CRTAC1: variants seen among roughly 807,000 people sequenced by gnomAD.
CRTAC1 encodes acidic secreted protein in cartilage.
CRTAC1 carries 37 observed loss-of-function variants against 67.8 expected under a neutral mutation model. The ratio of observed to expected loss-of-function variants is 0.55; its 90% CI spans 0.42 to 0.72. The LOEUF (loss-of-function observed/expected upper bound fraction) is 0.72, where lower values mean the gene tolerates loss of function less well. Among genes scored for constraint, CRTAC1 ranks in the 30% least tolerant of loss-of-function variants. The pLI, the probability that CRTAC1 is intolerant of heterozygous loss-of-function variation, is 0.00. For missense variants in CRTAC1, 780 were observed against 931.6 expected (o/e 0.84, Z 2.12); for synonymous variants, 348 against 371.0 (o/e 0.94, Z 0.71).
At chr10:97,912,392 G>A (rs948828304) in intron 5 of CRTAC1, among the ~76,000 whole-genome samples, 8 of 152,146 alleles carry the variant, frequency 5.3e-5, no homozygotes, top group Non-Finnish European at 1.0e-4. Flanking sequence ...AGGGGAAAAT[G>A]CCCCTTGGAG....
Position 97,894,939 on chromosome 10 carries a change from T to A in CRTAC1, c.1486+306A>T, listed in dbSNP as rs549223124. On this transcript the variant is annotated intron_variant, in intron 11 of 14. Transcript: ENST00000370597. Reference sequence around the variant, plus strand: ...GACACGTTTGGTGCAGCCCAGCATTTGAACAAGCCTACAGCCTTGAACAAA... The same window carrying A: ...GACACGTTTGGTGCAGCCCAGCATTAGAACAAGCCTACAGCCTTGAACAAA... Among the ~76,000 whole-genome samples, 8 of 151,022 alleles carry A rather than the reference T, an allele frequency of 5.3e-5. No homozygotes were observed. In the East Asian group the frequency reaches 1.6e-3, roughly 30 times the overall value.
At chr10:97,882,543 C>T (rs1039660375) in intron 13 of CRTAC1, among the ~76,000 whole-genome samples, 10 of 152,214 alleles carry the variant, frequency 6.6e-5, no homozygotes, top group African/African-American at 2.4e-4. Flanking sequence ...GTACTCATGG[C>T]AGGAAAACAC....
intron 4 of CRTAC1, among the ~76,000 whole-genome samples, chr10:97,919,000 G>C (rs1269744298): frequency 1.4e-5 from 2 of 146,218 alleles, no homozygotes; most frequent in African/African-American, 5.1e-5. Context: ...GGTCAGGCTG[G>C]TCTCGAACTT....
intron 14 of CRTAC1, chr10:97,878,323 A>G (rs1564873480): frequency 5.2e-6 from 1 of 191,202 alleles, no homozygotes; most frequent in Non-Finnish European, 1.1e-5. Context: ...GGGAAATTGT[A>G]GCTGTTTTAA....
chr10:97,872,524 T>C (rs1228979463), intron 14 of CRTAC1, among the ~76,000 whole-genome samples: 1 of 152,166 alleles, frequency 6.6e-6, no homozygotes, highest in Non-Finnish European at 1.5e-5. Flanking sequence ...AAACACCATT[T>C]TGAGGTGGGG....
At chr10:97,968,220 G>T (rs981843962) in intron 2 of CRTAC1, among the ~76,000 whole-genome samples, 2 of 152,028 alleles carry the variant, frequency 1.3e-5, no homozygotes, top group African/African-American at 4.8e-5. Flanking sequence ...TAAGGTCCTG[G>T]GTGTGCACAG....
intron 2 of CRTAC1, among the ~76,000 whole-genome samples, chr10:97,992,261 C>G (rs1842476220): frequency 6.6e-6 from 1 of 152,198 alleles, no homozygotes; most frequent in Non-Finnish European, 1.5e-5. Flanking sequence ...AGGGAAATAA[C>G]TAGCTATCTC....
chr10:97,916,364 TG>T (rs1236704326), intron 5 of CRTAC1, among the ~76,000 whole-genome samples: 1 of 152,216 alleles, frequency 6.6e-6, no homozygotes, highest in Non-Finnish European at 1.5e-5. Context: ...GGCACTTAGA[TG>T]GGGCTTGAGC....
At chr10:97,885,573 GC>G (rs2050271174) in intron 11 of CRTAC1, among the ~76,000 whole-genome samples, 1 of 152,172 alleles carries the variant, frequency 6.6e-6, no homozygotes, top group South Asian at 2.1e-4. Flanking sequence ...GTCAAAGCAG[GC>G]CCCAGCTCCC....
At chr10:97,865,761 C>T (rs775415171) in intron 14 of CRTAC1, 47 bp from the exon 15 acceptor site, 70 of 1,279,260 alleles carry the variant, frequency 5.5e-5, no homozygotes, top group East Asian at 9.9e-5. Context: ...AGACCTGCGG[C>T]GGCTGCGCTA....
rs148259802 is a variant in CRTAC1 at position 97,904,567 on chromosome 10, G to A, written c.996+102C>T. On this transcript the variant is annotated intron_variant, in intron 7 of 14. Coordinates refer to ENST00000370597, the MANE Select transcript of CRTAC1 (RefSeq NM_018058.7). ...CCGGAGTAGCTGGGATTATAGGCAC[G>A]CACCACCACACCTGGCCAATTTTTG... 4.4e-3 allele frequency: 4,969 copies of A among 1,134,322 alleles called. 123 individuals are homozygous for A. The African/African-American group carries it at 0.059, about 13-fold the overall frequency. The allele number at this position is 1,134,322 out of a possible 1,614,324, so 70.3% of individuals were successfully genotyped here. A position where few individuals can be genotyped will look rare whatever the true frequency, so the allele number is the denominator to read the frequency against.
At chr10:97,897,132 C>T in intron 8 of CRTAC1, 141 bp from the exon 9 acceptor site, 1 of 561,766 alleles carries the variant, frequency 1.8e-6, no homozygotes, top group Non-Finnish European at 3.2e-6. Context: ...CGGAGCCACT[C>T]TCTGCTCCCA....
chr10:97,960,113 G>A (rs1370095854), intron 2 of CRTAC1, among the ~76,000 whole-genome samples: 1 of 152,258 alleles, frequency 6.6e-6, no homozygotes, highest in Non-Finnish European at 1.5e-5. Context: ...CAGTTCTGGG[G>A]ATGGTAGGAA....
chr10:97,886,410 C>T (rs1402854920), intron 11 of CRTAC1, among the ~76,000 whole-genome samples: 3 of 152,218 alleles, frequency 2.0e-5, no homozygotes, highest in African/African-American at 7.2e-5. Flanking sequence ...GCAGCAGCAA[C>T]GGAGAGGCTC....
intron 3 of CRTAC1, among the ~76,000 whole-genome samples, chr10:97,928,356 G>A (rs79468873): frequency 0.015 from 2,282 of 152,246 alleles, 70 homozygotes; most frequent in African/African-American, 0.052. Context: ...CTTGGTCCCT[G>A]ACTAGGGGCT....
chr10:97,895,699 T>G lies in CRTAC1; in HGVS notation c.1317+186A>C, dbSNP rs1235022482. Among the ~76,000 whole-genome samples, 1 of 152,100 alleles carries G rather than the reference T, an allele frequency of 6.6e-6. No homozygotes were observed. The highest frequency in any genetic ancestry group is 1.9e-4 in the East Asian group (1 of 5,180). On this transcript the variant is annotated intron_variant, in intron 10 of 14. Coordinates refer to ENST00000370597, the MANE Select transcript of CRTAC1 (RefSeq NM_018058.7). The surrounding 1 kb of genome is among the most constrained non-coding windows in gnomAD (Gnocchi z 4.2). ...TACTGGAAGGCAGAGAGGCAAGGGC[T>G]TCTCCCAAGGCGGCCCTTCCTGAGC...
At chr10:97,909,379 G>A (rs2050658255) in intron 5 of CRTAC1, among the ~76,000 whole-genome samples, 1 of 152,112 alleles carries the variant, frequency 6.6e-6, no homozygotes, top group Admixed American at 6.6e-5. Flanking sequence ...GCCCCAGCCT[G>A]GCTTCTAACA....
chr10:97,866,742 ATGCATGTGCATGAACATGTG>A (rs2050030629), intron 14 of CRTAC1: 1 of 152,266 alleles, frequency 6.6e-6, no homozygotes, highest in South Asian at 2.1e-4. Flanking sequence ...GTGTGAGTGC[ATGCATGTGCATGAACATGTG>A]TGCACAAGCA....
intron 2 of CRTAC1, among the ~76,000 whole-genome samples, chr10:97,971,416 T>C (rs1401876769): frequency 3.9e-5 from 6 of 152,154 alleles, no homozygotes; most frequent in African/African-American, 1.4e-4. Flanking sequence ...AAGGCAAACA[T>C]TGTATGATTC....
Sources: gnomAD v4.1 joint callset for allele counts (sites outside exome capture counted in the v4.1 genomes callset) on GRCh38, gnomAD v4.1.1 for gene constraint, Gnocchi (gnomAD v3.1) non-coding constraint, MANE v1.5 for transcripts, NCBI Gene and HGNC (gene_info 2026-07-23, HGNC 2026-07-21) for gene names.